The following GLIS1 variants were observed in gnomAD, a reference collection of about 807,000 sequenced individuals.
The protein encoded by GLIS1 is GLIS family zinc finger 1, also known as zinc finger protein GLIS1.
GLIS1 carries 24 observed loss-of-function variants against 63.8 expected under a neutral mutation model. The ratio of observed to expected loss-of-function variants is 0.38; its 90% CI spans 0.27 to 0.53. The LOEUF is 0.53. Ranked by LOEUF, GLIS1 falls within the 20% of genes least tolerant of loss-of-function variation. The pLI, the probability that GLIS1 is intolerant of heterozygous loss-of-function variation, is 0.85. For missense variants in GLIS1, 1,036 were observed against 1,074.1 expected, an observed-to-expected ratio of 0.96 and a Z score of 0.50; for synonymous variants, 450 against 482.5, an observed-to-expected ratio of 0.93 and a Z score of 0.88.
intron 4 of GLIS1, among the ~76,000 whole-genome samples, chr1:53,567,640 G>C (rs1482891794): frequency 3.3e-5 from 5 of 152,182 alleles, no homozygotes; most frequent in Non-Finnish European, 7.3e-5. Flanking sequence ...ATGGTTTCGT[G>C]GGCTGGGCCC....
rs1259065992 is a variant in GLIS1 at position 53,534,059 on chromosome 1, G to A, written c.1321-4107C>T. 2.6e-5 allele frequency among the ~76,000 whole-genome samples: 4 copies of A among 152,038 alleles called. No individual in the cohort carries two copies. The East Asian group carries it at 7.7e-4, about 29-fold the overall frequency. On this transcript the variant is annotated intron_variant, in intron 4 of 10. Coordinates refer to ENST00000628545, the MANE Select transcript of GLIS1 (RefSeq NM_001367484.1). ...CTGGGTCCCGGGAGCAGCCTCCAAT[G>A]AGTGCGAGGTAGCCTTTGGGGTGGG...
chr1:53,604,955 T>TAC lies in GLIS1; in HGVS notation c.260-4679_260-4678dup, dbSNP rs58192002. Among the ~76,000 whole-genome samples, 200 of 149,938 alleles carry TAC rather than the reference T, an allele frequency of 1.3e-3. 1 individual carries two copies. The highest frequency in any genetic ancestry group is 4.8e-3 in the African/African-American group (195 of 40,446). On this transcript the variant is annotated intron_variant, in intron 2 of 10. Transcript: ENST00000628545. ...GTGTATATATATACATATATATATA[T>TAC]ACACACACACACACACAAATGAGTG... is the stretch of plus-strand genomic sequence containing the variant.
At chr1:53,620,282 G>C (rs2100594074) in intron 2 of GLIS1, among the ~76,000 whole-genome samples, 1 of 152,308 alleles carries the variant, frequency 6.6e-6, no homozygotes, top group African/African-American at 2.4e-5. Context: ...CGCCAGCTCA[G>C]TGCCCCAGCA....
At chr1:53,531,951 G>A (rs1174266140) in intron 4 of GLIS1, among the ~76,000 whole-genome samples, 3 of 152,174 alleles carry the variant, frequency 2.0e-5, no homozygotes, top group Non-Finnish European at 4.4e-5. Context: ...GCCAAGGAAG[G>A]GCAGGCACCA....
chr1:53,530,029 C>A, intron 4 of GLIS1, 77 bp from the exon 5 acceptor site: 4 of 1,389,794 alleles, frequency 2.9e-6, no homozygotes, highest in South Asian at 1.3e-5. Context: ...CCCCCCAGGC[C>A]TGCCTGGCCC....
intron 2 of GLIS1, among the ~76,000 whole-genome samples, chr1:53,626,279 T>C (rs1470036010): frequency 6.6e-6 from 1 of 152,124 alleles, no homozygotes; most frequent in South Asian, 2.1e-4. Context: ...ACACAACCCA[T>C]AACTTCCCCA....
chr1:53,550,940 TC>T (rs1038972526), intron 4 of GLIS1, among the ~76,000 whole-genome samples: 19 of 152,174 alleles, frequency 1.2e-4, no homozygotes, highest in African/African-American at 4.3e-4. Context: ...AACCTCTGCC[TC>T]CCGGGTTCAA....
chr1:53,553,663 G>A (rs1261531147), intron 4 of GLIS1, among the ~76,000 whole-genome samples: 9 of 152,200 alleles, frequency 5.9e-5, no homozygotes, highest in East Asian at 1.9e-4. Flanking sequence ...GGGCCTTTGC[G>A]ACTTGCAGGT....
intron 2 of GLIS1, among the ~76,000 whole-genome samples, chr1:53,679,219 A>T (rs1646248710): frequency 6.6e-6 from 1 of 152,148 alleles, no homozygotes; most frequent in South Asian, 2.1e-4. Context: ...CGGGCAGGAG[A>T]GAGGGAGGTG....
At chr1:53,725,446 G>A (rs1348054547) in intron 2 of GLIS1, among the ~76,000 whole-genome samples, 1 of 152,198 alleles carries the variant, frequency 6.6e-6, no homozygotes, top group Non-Finnish European at 1.5e-5. Context: ...GCAGACCAAG[G>A]CTGGGTGAGA....
chr1:53,665,290 T>C (rs959193442), intron 2 of GLIS1, among the ~76,000 whole-genome samples: 4 of 151,884 alleles, frequency 2.6e-5, no homozygotes, highest in Non-Finnish European at 5.9e-5. Flanking sequence ...GGGCAACTAG[T>C]AGGAACATGG....
intron 3 of GLIS1, among the ~76,000 whole-genome samples, chr1:53,596,403 A>C (rs1645255755): frequency 6.6e-6 from 1 of 152,168 alleles, no homozygotes; most frequent in Non-Finnish European, 1.5e-5. Context: ...GCTAGGCAGA[A>C]CAGGGAGCCT....
intron 4 of GLIS1, among the ~76,000 whole-genome samples, chr1:53,579,085 T>C (rs1255316999): frequency 1.3e-5 from 2 of 150,362 alleles, no homozygotes; most frequent in African/African-American, 4.9e-5. Flanking sequence ...ACAGTTTAGG[T>C]CAAAGAAAAT....
intron 1 of GLIS1, among the ~76,000 whole-genome samples, 70 bp downstream of exon 1, chr1:53,739,035 G>A (rs1393025802): frequency 2.6e-5 from 4 of 152,004 alleles, no homozygotes; most frequent in African/African-American, 4.8e-5. Flanking sequence ...GAGCGTCGCC[G>A]GGACGCCAGC....
chr1:53,543,322 A>G (rs1005316989), intron 4 of GLIS1, among the ~76,000 whole-genome samples: 3 of 152,164 alleles, frequency 2.0e-5, no homozygotes, highest in Non-Finnish European at 4.4e-5. Flanking sequence ...AAGTCAGGCC[A>G]TGCTACTCTT....
chr1:53,580,984 T>C (rs1645079039), intron 4 of GLIS1, among the ~76,000 whole-genome samples: 1 of 151,872 alleles, frequency 6.6e-6, no homozygotes, highest in African/African-American at 2.4e-5. Flanking sequence ...GTGGAGGACT[T>C]GATCGTAAAT....
rs564213332 is a variant in GLIS1 at position 53,525,291 on chromosome 1, A to C, written c.1483-404T>G. ...GACAGCTGCTCTGCAGATGGGGAGGAGGAGAGGGGAAGGGGGCACCCACAC... is the reference window on the plus strand; with the variant it reads ...GACAGCTGCTCTGCAGATGGGGAGGCGGAGAGGGGAAGGGGGCACCCACAC... On this transcript the variant is annotated intron_variant, in intron 5 of 10. Coordinates refer to ENST00000628545, the MANE Select transcript of GLIS1 (RefSeq NM_001367484.1). 2.7e-5 allele frequency among the ~76,000 whole-genome samples: 4 copies of C among 150,850 alleles called. No individual in the cohort carries two copies. In the South Asian group the frequency reaches 8.5e-4, roughly 32 times the overall value.
Position 53,607,952 on chromosome 1 carries a change from G to GTC in GLIS1, c.260-7676_260-7675dup, listed in dbSNP as rs1352863963. On this transcript the variant is annotated intron_variant, in intron 2 of 10. Transcript: ENST00000628545. ...GAGAAAGTAGAGTGAGCTCTCTGAT[G>GTC]TCTCTCTTTTTTTTTTTTTTTTTTG... Among the ~76,000 whole-genome samples the GTC allele has an allele frequency of 1.6e-5, 2 of 127,686 alleles. 1 individual carries two copies. The highest frequency in any genetic ancestry group is 5.4e-4 in the South Asian group (2 of 3,726). 83.8% of individuals were successfully genotyped at this position (127,686 alleles called of 152,430 possible).
intron 2 of GLIS1, among the ~76,000 whole-genome samples, chr1:53,701,736 T>C (rs1646524524): frequency 6.6e-6 from 1 of 152,154 alleles, no homozygotes; most frequent in African/African-American, 2.4e-5. Context: ...CTCATGCCTG[T>C]AATCCCAGCA....
Sources: gnomAD v4.1 joint callset for allele counts (sites outside exome capture counted in the v4.1 genomes callset) on GRCh38, gnomAD v4.1.1 for gene constraint, MANE v1.5 for transcripts, NCBI Gene and HGNC (gene_info 2026-07-23, HGNC 2026-07-21) for gene names.